ERCC8: variants seen among roughly 807,000 people sequenced by gnomAD.
ERCC8 encodes DNA excision repair protein ERCC-8.
Under a neutral mutation model 54.9 loss-of-function variants are expected in ERCC8, and 52 were observed. The ratio of observed to expected loss-of-function variants is 0.95; its 90% CI spans 0.76 to 1.19. The LOEUF (loss-of-function observed/expected upper bound fraction) is 1.19, where lower values mean the gene tolerates loss of function less well. Ranked by LOEUF, ERCC8 falls within the 50% of genes most tolerant of loss-of-function variation. The pLI is 0.00. For synonymous variants in ERCC8, 146 were observed against 157.2 expected (o/e 0.93, Z 0.53); for missense variants, 514 against 466.1 (o/e 1.10, Z -0.95).
chr5:60,909,078 A>C (rs1258801415), intron 4 of ERCC8, among the ~76,000 whole-genome samples: 3 of 151,900 alleles, frequency 2.0e-5, no homozygotes, highest in Non-Finnish European at 4.4e-5. Flanking sequence ...ATGGTTTGAT[A>C]ATTTTTGGAA....
At chr5:60,903,769 G>A in intron 5 of ERCC8, 53 bp from the exon 6 acceptor site, 1 of 1,551,988 alleles carries the variant, frequency 6.4e-7, no homozygotes, top group South Asian at 1.1e-5. Flanking sequence ...ATCATCAAAA[G>A]GAAACAAGAC....
At chr5:60,941,050 G>C (rs1039410085) in intron 1 of ERCC8, among the ~76,000 whole-genome samples, 1 of 152,116 alleles carries the variant, frequency 6.6e-6, no homozygotes, top group Non-Finnish European at 1.5e-5. Context: ...ATGGTGGCCC[G>C]AGCCTGTAAT....
At chr5:60,901,314 T>C (rs1748898053) in intron 7 of ERCC8, among the ~76,000 whole-genome samples, 1 of 151,978 alleles carries the variant, frequency 6.6e-6, no homozygotes, top group South Asian at 2.1e-4. Context: ...CTAGGTACTT[T>C]CCTGTAGACA....
chr5:60,927,115 C>T (rs546970014), intron 2 of ERCC8, among the ~76,000 whole-genome samples: 4 of 152,272 alleles, frequency 2.6e-5, no homozygotes, highest in South Asian at 4.1e-4. Context: ...CAGAGTGATA[C>T]GCAAATGCAC....
Position 60,872,502 on chromosome 5 carries a change from G to A in ERCC8, c.*2113C>T, listed in dbSNP as rs1747883696. ...GAACCTGAAAAGACAGTTCTCAAAA[G>A]AAGACATGCAAATGGCCAGCAGATA... is the stretch of plus-strand genomic sequence containing the variant. On this transcript the variant is annotated 3_prime_UTR_variant, in exon 12 of 12. Coordinates refer to ENST00000676185, the MANE Select transcript of ERCC8 (RefSeq NM_000082.4). Among the ~76,000 whole-genome samples the A allele has an allele frequency of 6.6e-6, 1 of 152,206 alleles. No homozygotes were observed. Among genetic ancestry groups the A allele is most frequent in the Non-Finnish European group, 1.5e-5 (1 of 68,012 alleles).
chr5:60,923,147 T>G (rs569179699), intron 2 of ERCC8, among the ~76,000 whole-genome samples: 1 of 152,204 alleles, frequency 6.6e-6, no homozygotes, highest in South Asian at 2.1e-4. Flanking sequence ...AGCAGTATCT[T>G]TTTTTGGAAA....
In ERCC8 at chr5:60,918,387, C is replaced by A. The variant is rs1749502628; in HGVS notation, c.277G>T (p.Asp93Tyr). The A allele has an allele frequency of 1.2e-6, 2 of 1,609,742 alleles. No homozygotes were observed. Among genetic ancestry groups the A allele is most frequent in the Admixed American group, 1.7e-5 (1 of 59,804 alleles). ...CTGTATCTGTGAACATCAGGATGAT[C>A]TCTACAAAACAGCAATCAAAATTTA... ...TCKAVCSIGRDHPDVHRYSVE... is the reference protein window; with the variant it reads ...TCKAVCSIGRYHPDVHRYSVE... Residue 93 changes from aspartate to tyrosine, a missense_variant and splice_region_variant, in exon 4 of 12, where the codon GAT (aspartate) becomes TAT (tyrosine). By Grantham distance (160) the Asp-to-Tyr change is radical (BLOSUM62 -3). Transcript: ENST00000676185.
chr5:60,909,829 C>T (rs1045857828), intron 4 of ERCC8: 6 of 152,280 alleles, frequency 3.9e-5, no homozygotes, highest in African/African-American at 1.2e-4. Context: ...TGACACACGC[C>T]TGTAGTCCCA....
At chr5:60,932,590 A>G (rs998469506) in intron 1 of ERCC8, among the ~76,000 whole-genome samples, 1 of 152,186 alleles carries the variant, frequency 6.6e-6, no homozygotes, top group Non-Finnish European at 1.5e-5. Flanking sequence ...CTCCACTAGG[A>G]AAGGATTCTT....
In ERCC8 at chr5:60,868,628, G is replaced by A. The variant is rs1166590412; in HGVS notation, c.*5987C>T. On this transcript the variant is annotated 3_prime_UTR_variant, in exon 12 of 12. Coordinates refer to ENST00000676185, the MANE Select transcript of ERCC8 (RefSeq NM_000082.4). ...TATGCCTTCTGTATCTGAGGATGTT[G>A]CTGATAGAGCTAGCAAGATAGAAAA... Among the ~76,000 whole-genome samples the A allele has an allele frequency of 6.6e-6, 1 of 152,190 alleles. No homozygotes were observed. Among genetic ancestry groups the A allele is most frequent in the African/African-American group, 2.4e-5 (1 of 41,442 alleles).
At chr5:60,874,938 A>C (rs1747954360) in intron 11 of ERCC8, among the ~76,000 whole-genome samples, 1 of 152,186 alleles carries the variant, frequency 6.6e-6, no homozygotes, top group African/African-American at 2.4e-5. Context: ...TCACAAATAC[A>C]TACATACACA....
At chr5:60,935,785 A>G (rs1580049303) in intron 1 of ERCC8, among the ~76,000 whole-genome samples, 1 of 152,168 alleles carries the variant, frequency 6.6e-6, no homozygotes, top group African/African-American at 2.4e-5. Flanking sequence ...TTCTGCATCT[A>G]TTGAGATAAT....
chr5:60,875,952 A>G (rs1318708391), intron 11 of ERCC8, among the ~76,000 whole-genome samples: 1 of 151,950 alleles, frequency 6.6e-6, no homozygotes, highest in Non-Finnish European at 1.5e-5. Context: ...GGTTTGTCAC[A>G]TATGTATACA....
chr5:60,881,852 G>A lies in ERCC8; in HGVS notation c.1122+5588C>T, dbSNP rs187689807. On this transcript the variant is annotated intron_variant, in intron 11 of 11. Transcript: ENST00000676185. Reference sequence around the variant, plus strand: ...CCCTGCTTTGGCTCATGCTCAGTGCGCTGCACCCACTGTCCTGCACCCACT... The same window carrying A: ...CCCTGCTTTGGCTCATGCTCAGTGCACTGCACCCACTGTCCTGCACCCACT... Among the ~76,000 whole-genome samples the A allele has an allele frequency of 8.0e-3, 1,224 of 152,234 alleles. 14 individuals carry two copies. The highest frequency in any genetic ancestry group is 0.027 in the African/African-American group (1,134 of 41,550).
intron 1 of ERCC8, among the ~76,000 whole-genome samples, chr5:60,942,506 C>A (rs1228362279): frequency 6.6e-6 from 1 of 151,856 alleles, no homozygotes; most frequent in Non-Finnish European, 1.5e-5. Context: ...GGAGAAATTT[C>A]AAAATAATGT....
chr5:60,903,613 C>A, intron 6 of ERCC8, 35 bp downstream of exon 6: 1 of 1,611,350 alleles, frequency 6.2e-7, no homozygotes, highest in South Asian at 1.1e-5. Context: ...ATCGTTTACT[C>A]AAAGTAGTTG....
chr5:60,886,304 C>T (rs1403378682), intron 11 of ERCC8, among the ~76,000 whole-genome samples: 3 of 152,092 alleles, frequency 2.0e-5, no homozygotes, highest in Non-Finnish European at 4.4e-5. Flanking sequence ...TTTTTAAGGT[C>T]TTTATTTACA....
In ERCC8 at chr5:60,874,565, G is replaced by A. The variant is rs368665460; in HGVS notation, c.*50C>T. On this transcript the variant is annotated 3_prime_UTR_variant, in exon 12 of 12. Coordinates refer to ENST00000676185, the MANE Select transcript of ERCC8 (RefSeq NM_000082.4). The stretch of plus-strand genomic sequence containing the variant: ...AGACCATACAGTTGAAAAAAACACA[G>A]TCTCATTTAAAAAGTTTCAGCAGAG... 1 of 1,518,690 alleles carries A rather than the reference G, an allele frequency of 6.6e-7. No homozygotes were observed. Among genetic ancestry groups the A allele is most frequent in the African/African-American group, 1.4e-5 (1 of 72,978 alleles). The allele number at this position is 1,518,690 out of a possible 1,614,324, so 94.1% of individuals were successfully genotyped here. A position where few individuals can be genotyped will look rare whatever the true frequency, so the allele number is the denominator to read the frequency against.
intron 1 of ERCC8, among the ~76,000 whole-genome samples, chr5:60,932,580 C>G (rs899981794): frequency 1.3e-5 from 2 of 152,168 alleles, no homozygotes; most frequent in African/African-American, 4.8e-5. Flanking sequence ...TCCTGTGTGA[C>G]TCCACTAGGA....
Sources: gnomAD v4.1 joint callset for allele counts (sites outside exome capture counted in the v4.1 genomes callset) on GRCh38, gnomAD v4.1.1 for gene constraint, MANE v1.5 for transcripts, NCBI Gene and HGNC (gene_info 2026-07-23, HGNC 2026-07-21) for gene names.